The following RORA variants were observed in gnomAD, a reference collection of about 807,000 sequenced individuals.
The protein encoded by RORA is nuclear receptor ROR-alpha.
A neutral mutation model predicts 69.5 loss-of-function variants in RORA; 7 were observed. The observed-to-expected ratio is 0.10, with a 90% CI of 0.06 to 0.19. The LOEUF is 0.19. Ranked by LOEUF, RORA falls within the 10% of genes least tolerant of loss-of-function variation. RORA has a pLI of 1.00. For missense variants in RORA, 457 were observed against 663.0 expected (o/e 0.69, Z 3.41); for synonymous variants, 261 against 240.8 (o/e 1.08, Z -0.78).
chr15:61,123,031 T>C (rs937176865), intron 1 of RORA, among the ~76,000 whole-genome samples: 2 of 152,206 alleles, frequency 1.3e-5, no homozygotes, highest in African/African-American at 4.8e-5. Flanking sequence ...TAGGCTTTAA[T>C]GTAACCTCAA....
At chr15:60,703,415 C>T (rs1210734157) in intron 1 of RORA, among the ~76,000 whole-genome samples, 1 of 151,538 alleles carries the variant, frequency 6.6e-6, no homozygotes, top group African/African-American at 2.4e-5. Flanking sequence ...TTGCTGGCCT[C>T]ATTCCCACTT....
chr15:60,988,120 C>G (rs946424469), intron 1 of RORA, among the ~76,000 whole-genome samples: 1 of 152,070 alleles, frequency 6.6e-6, no homozygotes, highest in Non-Finnish European at 1.5e-5. Context: ...TTCTAAGTAC[C>G]CAGGAAGTGA....
At chr15:60,788,320 G>C (rs1415087653) in intron 1 of RORA, among the ~76,000 whole-genome samples, 2 of 152,170 alleles carry the variant, frequency 1.3e-5, no homozygotes, top group Non-Finnish European at 2.9e-5. Context: ...ACAGATGATT[G>C]CAATAGAATG....
At chr15:61,216,791 G>A (rs1250115983) in intron 1 of RORA, among the ~76,000 whole-genome samples, 1 of 152,186 alleles carries the variant, frequency 6.6e-6, no homozygotes, top group Non-Finnish European at 1.5e-5. Flanking sequence ...ATTGGATCCA[G>A]CCCATGGTAG....
At chr15:61,038,000 A>G (rs1406408733) in intron 1 of RORA, among the ~76,000 whole-genome samples, 1 of 152,212 alleles carries the variant, frequency 6.6e-6, no homozygotes, top group East Asian at 1.9e-4. Context: ...CTGTCTCTGC[A>G]TTAACATGGG....
intron 1 of RORA, among the ~76,000 whole-genome samples, chr15:61,095,840 C>T (rs2078781898): frequency 6.6e-6 from 1 of 152,184 alleles, no homozygotes; most frequent in Non-Finnish European, 1.5e-5. Context: ...CCAGGGGCCC[C>T]TTGGGACACA....
intron 2 of RORA, among the ~76,000 whole-genome samples, chr15:60,559,614 G>A (rs2067473770): frequency 6.6e-6 from 1 of 152,204 alleles, no homozygotes; most frequent in South Asian, 2.1e-4. Flanking sequence ...CATCACAGGT[G>A]AGGTATTGCT....
rs187352289 is a variant in RORA, at chr15:60,561,151, G to T, written c.197-29300C>A. Among the ~76,000 whole-genome samples the T allele has an allele frequency of 2.0e-3, 293 of 145,050 alleles. 1 individual carries two copies. The highest frequency in any genetic ancestry group is 8.9e-3 in the Admixed American group (125 of 14,042). The stretch of plus-strand genomic sequence containing the variant: ...GGCTGGAGTGCAGTGGCGCGATCTC[G>T]GCTCACTGCAAGCGCCGCCTCCCGG... On this transcript the variant is annotated intron_variant, in intron 2 of 10. Coordinates refer to ENST00000335670, the MANE Select transcript of RORA (RefSeq NM_134261.3).
chr15:61,137,633 C>T (rs2079258340), intron 1 of RORA, among the ~76,000 whole-genome samples: 1 of 152,190 alleles, frequency 6.6e-6, no homozygotes, highest in Non-Finnish European at 1.5e-5. Context: ...ACAAACACAC[C>T]TCCTCTTGGG....
chr15:60,666,671 G>A (rs2070387429), intron 2 of RORA, among the ~76,000 whole-genome samples: 1 of 152,154 alleles, frequency 6.6e-6, no homozygotes, highest in African/African-American at 2.4e-5. Flanking sequence ...AGACTTTATA[G>A]GTGCAGAAGA....
At chr15:60,662,985 G>C (rs1465855118) in intron 2 of RORA, among the ~76,000 whole-genome samples, 1 of 152,186 alleles carries the variant, frequency 6.6e-6, no homozygotes, top group Admixed American at 6.5e-5. Flanking sequence ...CTTAGGTGCA[G>C]CTGGCACCCA....
chr15:61,016,253 C>T (rs957324777), intron 1 of RORA, among the ~76,000 whole-genome samples: 2 of 152,156 alleles, frequency 1.3e-5, no homozygotes, highest in Non-Finnish European at 1.5e-5. Context: ...TGAGATAATA[C>T]AAATAAAGCA....
At chr15:60,631,319 AG>A (rs1240685571) in intron 2 of RORA, among the ~76,000 whole-genome samples, 1 of 152,160 alleles carries the variant, frequency 6.6e-6, no homozygotes, top group African/African-American at 2.4e-5. Flanking sequence ...CACTGTTCAC[AG>A]TTTTCCCCCT....
intron 1 of RORA, among the ~76,000 whole-genome samples, chr15:61,203,819 G>A (rs2079915828): frequency 6.6e-6 from 1 of 152,210 alleles, no homozygotes; most frequent in Non-Finnish European, 1.5e-5. Context: ...CAAATTACCT[G>A]CAAAGGAACA....
chr15:60,948,133 C>T (rs1892957263), intron 1 of RORA, among the ~76,000 whole-genome samples: 1 of 152,002 alleles, frequency 6.6e-6, no homozygotes, highest in Non-Finnish European at 1.5e-5. Flanking sequence ...CCAAGACGCC[C>T]AGATTGCTTA....
At chr15:60,841,246 A>G (rs543993953) in intron 1 of RORA, 3 of 179,576 alleles carry the variant, frequency 1.7e-5, no homozygotes, top group Non-Finnish European at 3.2e-5. Flanking sequence ...CTCAGGCACT[A>G]CAAGGTGCCC....
At chr15:61,219,401 T>C (rs1048428024) in intron 1 of RORA, among the ~76,000 whole-genome samples, 4 of 152,094 alleles carry the variant, frequency 2.6e-5, no homozygotes, top group South Asian at 4.2e-4. Context: ...GGTGAAACCC[T>C]GTCTCTACTA....
At position 60,501,080 on chromosome 15, in the gene RORA, G is replaced by T; in HGVS notation, c.1184-11C>A. On this transcript the variant is annotated splice_polypyrimidine_tract_variant and intron_variant, in intron 8 of 10. Coordinates refer to ENST00000335670, the MANE Select transcript of RORA (RefSeq NM_134261.3). ...TAAAGTCTTCACAACCTGCCAAAAT[G>T]AAAACAAAGACAGTTTAGAATTTTG... The T allele has an allele frequency of 6.9e-7, 1 of 1,447,990 alleles. No individual in the cohort carries two copies. The highest frequency in any genetic ancestry group is 9.6e-7 in the Non-Finnish European group (1 of 1,038,432). The allele number at this position is 1,447,990 out of a possible 1,614,324, so 89.7% of individuals were successfully genotyped here.
At chr15:61,169,608 T>C (rs999645705) in intron 1 of RORA, among the ~76,000 whole-genome samples, 2 of 151,776 alleles carry the variant, frequency 1.3e-5, no homozygotes, top group African/African-American at 4.8e-5. Context: ...TTCTTTATTG[T>C]TGTCTGTGGC....
Sources: allele counts gnomAD v4.1 joint callset (sites outside exome capture counted in the v4.1 genomes callset), GRCh38; gene constraint gnomAD v4.1.1; transcripts MANE v1.5; gene names NCBI Gene and HGNC (gene_info 2026-07-23, HGNC 2026-07-21).